ZNF462: variants seen among roughly 807,000 people sequenced by gnomAD.
The protein encoded by ZNF462 is zinc finger PBX1-interacting protein.
In ZNF462, 10 loss-of-function variants were observed where a neutral mutation model predicts 201.9. The ratio of observed to expected loss-of-function variants is 0.05; its 90% CI spans 0.03 to 0.08. The LOEUF (loss-of-function observed/expected upper bound fraction) is 0.08. Among genes scored for constraint, ZNF462 ranks in the 10% least tolerant of loss-of-function variants. ZNF462 has a pLI of 1.00. For synonymous variants in ZNF462, 1,227 were observed against 1,193.3 expected (o/e 1.03, Z -0.58); for missense variants, 2,523 against 3,168.3 (o/e 0.80, Z 4.89).
chr9:106,914,560 C>A (rs1383471489), intron 1 of ZNF462, among the ~76,000 whole-genome samples: 3 of 152,202 alleles, frequency 2.0e-5, no homozygotes, highest in Admixed American at 2.0e-4. Context: ...GGTTGGAATC[C>A]TATCATTCAG....
chr9:106,964,228 T>G (rs780354575), intron 7 of ZNF462, among the ~76,000 whole-genome samples: 1 of 152,014 alleles, frequency 6.6e-6, no homozygotes, highest in Non-Finnish European at 1.5e-5. Flanking sequence ...TGTTTTTAAT[T>G]TTTTGAGGAA....
rs745434719 is a variant in ZNF462, at chr9:106,930,716, A to G, written c.6012+27A>G. Reference sequence around the variant, plus strand: ...TGAGAACTGGAAGGTCTGGATGAGCATTGTGTGTGAGCGATTCGAGTTACT... The same window carrying G: ...TGAGAACTGGAAGGTCTGGATGAGCGTTGTGTGTGAGCGATTCGAGTTACT... On this transcript the variant is annotated intron_variant, in intron 4 of 12. Coordinates refer to ENST00000277225, the MANE Select transcript of ZNF462 (RefSeq NM_021224.6). The surrounding 1 kb of genome is among the most constrained non-coding windows in gnomAD (Gnocchi z 5.8). 6.8e-6 allele frequency: 11 copies of G among 1,612,484 alleles called. No individual in the cohort carries two copies. The highest frequency in any genetic ancestry group is 9.3e-6 in the Non-Finnish European group (11 of 1,179,124).
At chr9:106,986,038 G>A (rs1233002691) in intron 10 of ZNF462, among the ~76,000 whole-genome samples, 2 of 152,142 alleles carry the variant, frequency 1.3e-5, no homozygotes, top group East Asian at 1.9e-4. Flanking sequence ...TTATTCACAT[G>A]TATCTTATTT....
intron 7 of ZNF462, among the ~76,000 whole-genome samples, chr9:106,951,075 G>C (rs1831324330): frequency 6.7e-6 from 1 of 150,094 alleles, no homozygotes; most frequent in Non-Finnish European, 1.5e-5. Flanking sequence ...GGGCAACAGA[G>C]TGAAACTCCA....
At chr9:106,860,339 T>G (rs955361070), upstream of ZNF462, among the ~76,000 whole-genome samples, 3 of 152,312 alleles carry the variant, frequency 2.0e-5, no homozygotes, top group East Asian at 1.9e-4. The surrounding 1 kb of genome is among the most constrained non-coding windows in gnomAD (Gnocchi z 7.1). Flanking sequence ...TGAGGCGTGT[T>G]GGGGCGCGCT....
intron 1 of ZNF462, among the ~76,000 whole-genome samples, chr9:106,878,070 C>G (rs1827916415): frequency 6.6e-6 from 1 of 152,120 alleles, no homozygotes; most frequent in Non-Finnish European, 1.5e-5. Context: ...ATGTAGGATC[C>G]TTGCTTATTT....
In ZNF462 at chr9:107,010,694, C is replaced by T. The variant is rs1056198549; in HGVS notation, c.7314-129C>T. ...TTGTCATACACCCATGGCATTTGTT[C>T]AAAGGAAACCCCAAGGCTTTTTGAG... On this transcript the variant is annotated intron_variant, in intron 12 of 12. Coordinates refer to ENST00000277225, the MANE Select transcript of ZNF462 (RefSeq NM_021224.6). This position sits in a 1 kb window ranked among gnomAD's most constrained non-coding sequence, Gnocchi z 4.6. 1.1e-6 allele frequency: 1 copy of T among 897,940 alleles called. No homozygotes were observed. Among genetic ancestry groups the T allele is most frequent in the Non-Finnish European group, 1.6e-6 (1 of 612,866 alleles). The allele number at this position is 897,940 out of a possible 1,614,324, so 55.6% of individuals were successfully genotyped here.
chr9:106,990,222 A>G (rs756390221), intron 10 of ZNF462, among the ~76,000 whole-genome samples: 1 of 152,002 alleles, frequency 6.6e-6, no homozygotes. Flanking sequence ...ATGTATTTGC[A>G]TAGTTTTGAA....
Position 106,926,974 on chromosome 9 carries a change from A to G in ZNF462, c.3062A>G (p.Asp1021Gly), listed in dbSNP as rs1830219721. 6.2e-7 allele frequency: 1 copy of G among 1,614,048 alleles called. No homozygotes were observed. The highest frequency in any genetic ancestry group is 1.3e-5 in the African/African-American group (1 of 74,988). Residue 1021 changes from aspartate (D) to glycine (G), a missense_variant, in exon 3 of 13, where the codon GAC becomes GGC. Physicochemically the swap from Asp to Gly is moderately conservative, Grantham distance 94 (BLOSUM62 -1). Transcript: ENST00000277225. The surrounding 1 kb of genome is among the most constrained non-coding windows in gnomAD (Gnocchi z 7.9). ...ACTCCTGAATGTGAAAATCAGAAGG[A>G]CCCTTTGGTCAACACTGTTGTTGTT... ...TFTPECENQK[D>G]PLVNTVVVYD... is the part of the protein sequence containing the mutation.
chr9:106,926,735 G>A lies in ZNF462; in HGVS notation c.2823G>A (p.Met941Ile). The A allele has an allele frequency of 6.2e-7, 1 of 1,614,112 alleles. No homozygotes were observed. Among genetic ancestry groups the A allele is most frequent in the Non-Finnish European group, 8.5e-7 (1 of 1,180,030 alleles). The change falls in exon 3 of 13, where the codon ATG (methionine) becomes ATA (isoleucine). Residue 941 changes from methionine to isoleucine, a missense_variant. Physicochemically the swap from Met to Ile is conservative, Grantham distance 10. This residue lies in a region of ZNF462 where 280 missense variants were observed against 321.3 expected (regional missense o/e 0.87). Coordinates refer to ENST00000277225, the MANE Select transcript of ZNF462 (RefSeq NM_021224.6). The surrounding 1 kb of genome is among the most constrained non-coding windows in gnomAD (Gnocchi z 7.9). The part of the protein sequence containing the change: ...SYTSPNVRSL[M>I]PHYQRMHPTV... ...CGAGCCCGAATGTTAGAAGCCTGAT[G>A]CCACATTACCAAAGAATGCATCCCA...
Position 106,925,762 on chromosome 9 carries a change from T to C in ZNF462, c.1850T>C (p.Val617Ala). 1.9e-6 allele frequency: 3 copies of C among 1,613,968 alleles called. No homozygotes were observed. The highest frequency in any genetic ancestry group is 2.5e-6 in the Non-Finnish European group (3 of 1,179,998). The change falls in exon 3 of 13, where the codon GTC becomes GCC. Residue 617 changes from valine to alanine, a missense_variant. By Grantham distance (64) the Val-to-Ala change is moderately conservative. This residue lies in a region of ZNF462 where 383 missense variants were observed against 453.4 expected (regional missense o/e 0.84). Coordinates refer to ENST00000277225, the MANE Select transcript of ZNF462 (RefSeq NM_021224.6). This position sits in a 1 kb window ranked among gnomAD's most constrained non-coding sequence, Gnocchi z 7.9. ...ACCACAACTCTGAAAGGGCTAAGAG[T>C]CCATCAGCAGCATAAACATTCATTC... ...YSTTTLKGLRVHQQHKHSFCD... is the reference protein window; with the variant it reads ...YSTTTLKGLRAHQQHKHSFCD...
intron 7 of ZNF462, among the ~76,000 whole-genome samples, chr9:106,961,408 CA>C (rs942269434): frequency 2.6e-5 from 4 of 152,110 alleles, no homozygotes; most frequent in African/African-American, 7.2e-5. Context: ...CTTATTTCAG[CA>C]AACATGGTTC....
intron 7 of ZNF462, among the ~76,000 whole-genome samples, chr9:106,960,399 G>A (rs2131887128): frequency 6.6e-6 from 1 of 152,262 alleles, no homozygotes; most frequent in East Asian, 1.9e-4. Flanking sequence ...CGGCCTGTGA[G>A]CTCTAAATAC....
In ZNF462 at chr9:106,872,691, C is replaced by T. The variant is rs967392295; in HGVS notation, c.-31+9336C>T. Among the ~76,000 whole-genome samples the T allele has an allele frequency of 2.6e-5, 4 of 152,136 alleles. No homozygotes were observed. The highest frequency in any genetic ancestry group is 6.5e-5 in the Admixed American group (1 of 15,270). On this transcript the variant is annotated intron_variant, in intron 1 of 12. Transcript: ENST00000277225. This position sits in a 1 kb window ranked among gnomAD's most constrained non-coding sequence, Gnocchi z 4.5. ...GAAAAGACCATTTTAATTTAAATAT[C>T]GGAGTTCAGTTGCAAGAACTTCCCC...
chr9:106,914,273 G>C (rs187927088), intron 1 of ZNF462, among the ~76,000 whole-genome samples: 6 of 138,726 alleles, frequency 4.3e-5, no homozygotes, highest in Admixed American at 7.3e-5. Context: ...GAAAATACCT[G>C]GAGATCATTA....
chr9:106,944,782 A>G lies in ZNF462; in HGVS notation c.6427+5675A>G, dbSNP rs549806283. ...TATGAGATCAACTTTTCTAGCTTCT[A>G]CATAGGACATAAGAATGTACAGTAT... On this transcript the variant is annotated intron_variant, in intron 7 of 12. Coordinates refer to ENST00000277225, the MANE Select transcript of ZNF462 (RefSeq NM_021224.6). Among the ~76,000 whole-genome samples the G allele has an allele frequency of 4.6e-5, 7 of 152,312 alleles. No individual in the cohort carries two copies. In the East Asian group the frequency reaches 5.8e-4, roughly 13 times the overall value.
chr9:106,861,315 G>T (rs1827060323), upstream of ZNF462, among the ~76,000 whole-genome samples: 1 of 151,992 alleles, frequency 6.6e-6, no homozygotes, highest in Non-Finnish European at 1.5e-5. Context: ...CTCCGCGCGC[G>T]TCTCCTCCTC....
chr9:106,861,106 C>A (rs1176664633), upstream of ZNF462, among the ~76,000 whole-genome samples: 2 of 151,934 alleles, frequency 1.3e-5, no homozygotes, highest in Non-Finnish European at 2.9e-5. Flanking sequence ...TATTTATCAC[C>A]CCCGCCATCA....
chr9:106,960,964 T>A (rs1831808953), intron 7 of ZNF462, among the ~76,000 whole-genome samples: 1 of 152,090 alleles, frequency 6.6e-6, no homozygotes. Context: ...TGAGTGCATT[T>A]CTAATGGAGG....
Sources: allele counts gnomAD v4.1 joint callset (sites outside exome capture counted in the v4.1 genomes callset), GRCh38; gene constraint gnomAD v4.1.1; regional missense constraint gnomAD v4.1.1; non-coding constraint Gnocchi (gnomAD v3.1); transcripts MANE v1.5; gene names NCBI Gene and HGNC (gene_info 2026-07-23, HGNC 2026-07-21).